PTPRD: variants seen among roughly 807,000 people sequenced by gnomAD.
PTPRD encodes the protein receptor-type tyrosine-protein phosphatase delta.
In PTPRD, 34 loss-of-function variants were observed where a neutral mutation model predicts 214.5. The ratio of observed to expected loss-of-function variants is 0.16; its 90% CI spans 0.12 to 0.21. PTPRD has a LOEUF of 0.21. Among genes scored for constraint, PTPRD ranks in the 10% least tolerant of loss-of-function variants. The pLI is 1.00. For synonymous variants in PTPRD, 1,128 were observed against 845.7 expected (o/e 1.33, Z -5.79); for missense variants, 2,545 against 2,398.7 (o/e 1.06, Z -1.27).
At chr9:9,866,041 C>T (rs920305321) in intron 5 of PTPRD, among the ~76,000 whole-genome samples, 10 of 152,170 alleles carry the variant, frequency 6.6e-5, no homozygotes, top group African/African-American at 2.4e-4. Flanking sequence ...CACTTGCCTT[C>T]CTCTGTACAT....
At chr9:8,358,921 C>T (rs914449197) in intron 39 of PTPRD, among the ~76,000 whole-genome samples, 7 of 151,010 alleles carry the variant, frequency 4.6e-5, no homozygotes, top group Admixed American at 4.6e-4. Flanking sequence ...TCCTGGCTAA[C>T]ACGGTGAAAC....
At chr9:8,472,786 T>C (rs933878854) in intron 30 of PTPRD, among the ~76,000 whole-genome samples, 1 of 152,206 alleles carries the variant, frequency 6.6e-6, no homozygotes, top group Admixed American at 6.5e-5. Context: ...AAATGTCACA[T>C]GTGACTTTCA....
chr9:9,795,671 G>C (rs772082316), intron 5 of PTPRD, among the ~76,000 whole-genome samples: 45 of 152,040 alleles, frequency 3.0e-4, no homozygotes, highest in Non-Finnish European at 1.9e-4. Context: ...GATTTGATTA[G>C]TATTTCTTTG....
At chr9:10,057,026 A>G (rs2097664829) in intron 3 of PTPRD, among the ~76,000 whole-genome samples, 1 of 152,150 alleles carries the variant, frequency 6.6e-6, no homozygotes, top group South Asian at 2.1e-4. Context: ...AATACAAGGC[A>G]AAGTAGAAAT....
At chr9:9,376,977 C>G (rs1301376186) in intron 9 of PTPRD, among the ~76,000 whole-genome samples, 1 of 151,960 alleles carries the variant, frequency 6.6e-6, no homozygotes, top group East Asian at 1.9e-4. Context: ...AATATAAAAA[C>G]TGAAAATTTT....
At chr9:10,144,031 G>A (rs2099006071) in intron 3 of PTPRD, among the ~76,000 whole-genome samples, 1 of 151,804 alleles carries the variant, frequency 6.6e-6, no homozygotes, top group South Asian at 2.1e-4. Context: ...ATAAACCTGT[G>A]ATTGTACACT....
At chr9:9,225,243 G>A (rs958731160) in intron 9 of PTPRD, among the ~76,000 whole-genome samples, 6 of 152,074 alleles carry the variant, frequency 3.9e-5, no homozygotes, top group South Asian at 4.1e-4. Context: ...TTTAAATTAT[G>A]TCTATGATTA....
At chr9:10,323,500 C>T (rs1293542490) in intron 3 of PTPRD, among the ~76,000 whole-genome samples, 1 of 151,148 alleles carries the variant, frequency 6.6e-6, no homozygotes, top group Non-Finnish European at 1.5e-5. Context: ...GAGACAAGGT[C>T]TCACTGTGTT....
chr9:10,340,298 G>C (rs1030983600), intron 3 of PTPRD, among the ~76,000 whole-genome samples: 2 of 151,808 alleles, frequency 1.3e-5, no homozygotes, highest in African/African-American at 4.8e-5. Flanking sequence ...TGCTAGCTGG[G>C]AGTCAATAGC....
intron 11 of PTPRD, among the ~76,000 whole-genome samples, chr9:8,757,963 G>C (rs1307914109): frequency 6.6e-6 from 1 of 152,076 alleles, no homozygotes; most frequent in Non-Finnish European, 1.5e-5. Context: ...TGGTGGTTGG[G>C]CTGAATGGGT....
chr9:9,754,602 T>C (rs12554298), intron 6 of PTPRD, among the ~76,000 whole-genome samples: 6,768 of 152,178 alleles, frequency 0.044, 730 homozygotes, highest in East Asian at 0.39. Context: ...TATACTGATA[T>C]TACATGCTAT....
intron 11 of PTPRD, among the ~76,000 whole-genome samples, chr9:8,958,389 T>C (rs1320967739): frequency 6.6e-6 from 1 of 151,926 alleles, no homozygotes; most frequent in Non-Finnish European, 1.5e-5. Flanking sequence ...ATTTTGATGT[T>C]TAGCCTTTTC....
rs1429084203 is a variant in PTPRD, at chr9:9,832,405, T to C, written c.-367-65554A>G. ...AATAATAGATAATTCATTAAAGTTC[T>C]ATATAGCAGATATTACTGATGGACT... is the stretch of plus-strand genomic sequence containing the variant. On this transcript the variant is annotated intron_variant, in intron 5 of 45. Transcript: ENST00000381196. Among the ~76,000 whole-genome samples the C allele has an allele frequency of 2.6e-5, 4 of 152,016 alleles. No homozygotes were observed. The East Asian group carries it at 7.7e-4, about 29-fold the overall frequency.
intron 6 of PTPRD, among the ~76,000 whole-genome samples, chr9:9,749,633 C>A (rs566179428): frequency 5.9e-5 from 9 of 152,182 alleles, no homozygotes; most frequent in African/African-American, 1.2e-4. Context: ...ACCACAGGGT[C>A]AGTAAAAGAG....
At chr9:8,858,481 T>A (rs571044525) in intron 11 of PTPRD, among the ~76,000 whole-genome samples, 1 of 152,012 alleles carries the variant, frequency 6.6e-6, no homozygotes, top group African/African-American at 2.4e-5. Flanking sequence ...AGAGGTGGTT[T>A]GGGGAGGGGG....
chr9:8,532,040 G>A (rs1315012992), intron 14 of PTPRD, among the ~76,000 whole-genome samples: 1 of 151,956 alleles, frequency 6.6e-6, no homozygotes, highest in Non-Finnish European at 1.5e-5. Flanking sequence ...ATACTAATGG[G>A]ACAGAAAATG....
At chr9:10,569,228 T>G (rs200054219) in intron 2 of PTPRD, among the ~76,000 whole-genome samples, 4 of 151,992 alleles carry the variant, frequency 2.6e-5, no homozygotes, top group Non-Finnish European at 5.9e-5. Context: ...GAGATACCAT[T>G]TCACACCAGT....
chr9:10,361,434 AG>A (rs1192679095), intron 2 of PTPRD, among the ~76,000 whole-genome samples: 2 of 152,164 alleles, frequency 1.3e-5, no homozygotes, highest in Admixed American at 6.5e-5. Context: ...ACAAGGGTAC[AG>A]GGGTAAGTTA....
intron 10 of PTPRD, among the ~76,000 whole-genome samples, chr9:9,029,409 A>G (rs1430279964): frequency 6.6e-6 from 1 of 151,966 alleles, no homozygotes; most frequent in Non-Finnish European, 1.5e-5. Context: ...GGCACCACAC[A>G]TGAGGTGACA....
Sources: allele counts gnomAD v4.1 joint callset (sites outside exome capture counted in the v4.1 genomes callset), GRCh38; gene constraint gnomAD v4.1.1; transcripts MANE v1.5; gene names NCBI Gene and HGNC (gene_info 2026-07-23, HGNC 2026-07-21).